Variants in ARHGAP15 observed in about 807,000 individuals in gnomAD.
The protein encoded by ARHGAP15 is Rho GTPase activating protein 15.
In ARHGAP15, 51 loss-of-function variants were observed where a neutral mutation model predicts 63.7. That is an observed-to-expected ratio of 0.80 (90% CI 0.64 to 1.01). The LOEUF (loss-of-function observed/expected upper bound fraction) is 1.01, where lower values mean the gene tolerates loss of function less well. ARHGAP15 is among the 50% of genes least tolerant of loss of function. ARHGAP15 has a pLI of 0.00. For synonymous variants in ARHGAP15, 191 were observed against 193.8 expected (o/e 0.99, Z 0.12); for missense variants, 560 against 564.6 (o/e 0.99, Z 0.08).
At chr2:143,290,730 C>T (rs568174192) in intron 6 of ARHGAP15, among the ~76,000 whole-genome samples, 2 of 151,964 alleles carry the variant, frequency 1.3e-5, no homozygotes, top group Admixed American at 6.6e-5. Flanking sequence ...GAACAGGGAG[C>T]CTGAACTGTT....
At chr2:143,482,678 T>TA in intron 8 of ARHGAP15, among the ~76,000 whole-genome samples, 1 of 152,258 alleles carries the variant, frequency 6.6e-6, no homozygotes. Context: ...TAAGTTTGGC[T>TA]GTTAAAATCA....
intron 3 of ARHGAP15, among the ~76,000 whole-genome samples, chr2:143,211,399 T>C (rs192329700): frequency 2.6e-5 from 4 of 150,990 alleles, no homozygotes; most frequent in Admixed American, 2.0e-4. Flanking sequence ...CATTTGGGGG[T>C]AAAATAATGT....
chr2:143,495,122 C>A (rs936513950), intron 9 of ARHGAP15, among the ~76,000 whole-genome samples: 1 of 152,108 alleles, frequency 6.6e-6, no homozygotes, highest in South Asian at 2.1e-4. Context: ...TTATCTTGGC[C>A]ATCCCACAAC....
At chr2:143,646,275 T>C (rs1680873792) in intron 12 of ARHGAP15, among the ~76,000 whole-genome samples, 1 of 152,028 alleles carries the variant, frequency 6.6e-6, no homozygotes, top group South Asian at 2.1e-4. Flanking sequence ...TTGTTTCATA[T>C]GAAAGAAGAA....
intron 11 of ARHGAP15, among the ~76,000 whole-genome samples, chr2:143,583,981 T>C (rs1030960639): frequency 6.6e-6 from 1 of 152,218 alleles, no homozygotes; most frequent in African/African-American, 2.4e-5. Context: ...TTTGGAATTT[T>C]AAAATGGAAA....
chr2:143,572,551 A>G (rs920465836), intron 11 of ARHGAP15, among the ~76,000 whole-genome samples: 8 of 152,168 alleles, frequency 5.3e-5, no homozygotes, highest in African/African-American at 1.9e-4. Context: ...AATATAAGGT[A>G]AGAGACGTCA....
chr2:143,572,495 T>A (rs1171073166), intron 11 of ARHGAP15, among the ~76,000 whole-genome samples: 2 of 152,296 alleles, frequency 1.3e-5, no homozygotes, highest in East Asian at 3.9e-4. Flanking sequence ...AAGGTGATCA[T>A]TTGTTCATCT....
At chr2:143,743,331 A>G (rs1686031925) in intron 13 of ARHGAP15, among the ~76,000 whole-genome samples, 1 of 152,312 alleles carries the variant, frequency 6.6e-6, no homozygotes, top group South Asian at 2.1e-4. Context: ...CTGAATACAC[A>G]TTAGCTCCTT....
chr2:143,316,365 G>A (rs897319440), intron 6 of ARHGAP15, among the ~76,000 whole-genome samples: 63 of 151,752 alleles, frequency 4.2e-4, no homozygotes, highest in African/African-American at 1.4e-3. Context: ...AGATTTTCAG[G>A]CAGTTTGAAT....
At chr2:143,175,500 C>G (rs1451039009) in intron 2 of ARHGAP15, among the ~76,000 whole-genome samples, 1 of 152,118 alleles carries the variant, frequency 6.6e-6, no homozygotes, top group African/African-American at 2.4e-5. Flanking sequence ...TGATAATGAT[C>G]TGCATCCATT....
chr2:143,560,462 A>G (rs1376662610), intron 11 of ARHGAP15, among the ~76,000 whole-genome samples: 2 of 152,210 alleles, frequency 1.3e-5, no homozygotes, highest in Non-Finnish European at 2.9e-5. Context: ...GTCATACAGC[A>G]TATAAGTGAA....
chr2:143,335,480 T>C (rs1684731598), intron 6 of ARHGAP15, among the ~76,000 whole-genome samples: 1 of 152,116 alleles, frequency 6.6e-6, no homozygotes, highest in Non-Finnish European at 1.5e-5. Context: ...ATAGTTTTGT[T>C]TGGGATTCTG....
At chr2:143,141,018 C>T (rs1689339823) in intron 1 of ARHGAP15, among the ~76,000 whole-genome samples, 1 of 152,128 alleles carries the variant, frequency 6.6e-6, no homozygotes. Flanking sequence ...GGAGACCAGT[C>T]AGCATGGCAG....
intron 11 of ARHGAP15, among the ~76,000 whole-genome samples, chr2:143,579,650 G>A (rs1190839107): frequency 1.3e-5 from 2 of 152,088 alleles, no homozygotes; most frequent in Non-Finnish European, 2.9e-5. Flanking sequence ...AGACTGCCCA[G>A]AGGCTATGCC....
chr2:143,243,599 T>A (rs930712780), intron 5 of ARHGAP15, among the ~76,000 whole-genome samples: 1 of 152,156 alleles, frequency 6.6e-6, no homozygotes, highest in Non-Finnish European at 1.5e-5. Flanking sequence ...AGCAGACTTT[T>A]TCTTGTGTTT....
At position 143,187,170 on chromosome 2, in the gene ARHGAP15, G is replaced by A. The variant is rs189942187; in HGVS notation, c.166-14964G>A. Among the ~76,000 whole-genome samples, 39 of 152,200 alleles carry A rather than the reference G, an allele frequency of 2.6e-4. No homozygotes were observed. In the East Asian group the frequency reaches 6.2e-3, roughly 24 times the overall value. On this transcript the variant is annotated intron_variant, in intron 2 of 13. Coordinates refer to ENST00000295095, the MANE Select transcript of ARHGAP15 (RefSeq NM_018460.4). ...TGAATTTTTTTTTCTGATATGGTGC[G>A]AAAGCAAATGTAAGCATTTCACTAG...
chr2:143,165,893 A>G (rs934005580), intron 2 of ARHGAP15, among the ~76,000 whole-genome samples: 2 of 151,382 alleles, frequency 1.3e-5, no homozygotes, highest in African/African-American at 4.9e-5. Context: ...ACATTCCTGG[A>G]TGTACTATCC....
At chr2:143,237,039 A>G (rs1305816619) in intron 5 of ARHGAP15, 1 of 152,158 alleles carries the variant, frequency 6.6e-6, no homozygotes, top group Non-Finnish European at 1.5e-5. Context: ...AAAGACTTTG[A>G]ACAGGATTGG....
chr2:143,299,604 C>A (rs1430439652), intron 6 of ARHGAP15, among the ~76,000 whole-genome samples: 6 of 151,890 alleles, frequency 4.0e-5, no homozygotes, highest in Non-Finnish European at 7.4e-5. Flanking sequence ...CCACTTTTTT[C>A]TACGCTTTGT....
Sources: gnomAD v4.1 joint callset for allele counts (sites outside exome capture counted in the v4.1 genomes callset) on GRCh38, gnomAD v4.1.1 for gene constraint, MANE v1.5 for transcripts, NCBI Gene and HGNC (gene_info 2026-07-23, HGNC 2026-07-21) for gene names.